Variants in KIR2DL3 observed in about 807,000 individuals in gnomAD.
KIR2DL3 encodes killer cell immunoglobulin like receptor, two Ig domains and long cytoplasmic tail 3, also known as killer cell immunoglobulin-like receptor 2DL3.
Under a neutral mutation model 33.8 loss-of-function variants are expected in KIR2DL3, and 39 were observed. That is an observed-to-expected ratio of 1.15 (90% CI 0.89 to 1.51). KIR2DL3 has a LOEUF of 1.51. Among genes scored for constraint, KIR2DL3 ranks in the 40% most tolerant of loss-of-function variants. KIR2DL3 has a pLI of 0.00. For missense variants in KIR2DL3, 462 were observed against 426.2 expected, an observed-to-expected ratio of 1.08 and a Z score of -0.74; for synonymous variants, 174 against 160.2, an observed-to-expected ratio of 1.09 and a Z score of -0.65.
rs1255691963 is a variant in KIR2DL3 at position 54,738,558 on chromosome 19, G to A, written c.13G>A (p.Val5Ile). Residue 5 changes from valine to isoleucine, a missense_variant, in exon 1 of 8, where the codon GTC becomes ATC. Val to Ile is a conservative substitution (Grantham distance 29). Coordinates refer to ENST00000342376, the MANE Select transcript of KIR2DL3 (RefSeq NM_015868.3). The stretch of plus-strand genomic sequence containing the variant: ...CACAGACAGCACCATGTCGCTCATG[G>A]TCGTCAGCATGGTGTGTGTTGGTGA... The part of the protein sequence containing the change: MSLM[V>I]VSMVCVGFFL... 4.7e-4 allele frequency: 760 copies of A among 1,614,166 alleles called. No individual in the cohort carries two copies. The African/African-American group carries it at 4.9e-3, about 10-fold the overall frequency.
chr19:54,745,172 A>G (rs1189545134), intron 4 of KIR2DL3, among the ~76,000 whole-genome samples: 1 of 151,802 alleles, frequency 6.6e-6, no homozygotes, highest in Non-Finnish European at 1.5e-5. Context: ...CGTATGTACT[A>G]CATTCTCTCT....
Position 54,740,132 on chromosome 19 carries a change from G to C in KIR2DL3, c.70+590G>C, listed in dbSNP as rs537830987. Among the ~76,000 whole-genome samples, 960 of 151,454 alleles carry C rather than the reference G, an allele frequency of 6.3e-3. 7 individuals are homozygous for C. The highest frequency in any genetic ancestry group is 0.017 in the Middle Eastern group (5 of 292). The stretch of plus-strand genomic sequence containing the variant: ...GGAGACACCATGTCTTTGCGGGATG[G>C]GTCCTTCCTTCAGCCCTGGGCACCA... On this transcript the variant is annotated intron_variant, in intron 2 of 7. Coordinates refer to ENST00000342376, the MANE Select transcript of KIR2DL3 (RefSeq NM_015868.3).
At chr19:54,743,058 C>T (rs2071483668) in intron 3 of KIR2DL3, among the ~76,000 whole-genome samples, 1 of 151,544 alleles carries the variant, frequency 6.6e-6, no homozygotes, top group African/African-American at 2.4e-5. Context: ...GAGAGAGAGG[C>T]ACAAGGACAT....
intron 4 of KIR2DL3, among the ~76,000 whole-genome samples, chr19:54,746,767 G>C (rs1352171194): frequency 2.0e-5 from 3 of 150,100 alleles, no homozygotes; most frequent in African/African-American, 4.9e-5. Context: ...TGGATCACCT[G>C]AGGCCAGGAG....
At chr19:54,744,955 T>TATATATATATATATA (rs1491544172) in intron 4 of KIR2DL3, among the ~76,000 whole-genome samples, 4 of 18,676 alleles carry the variant, frequency 2.1e-4, no homozygotes, top group Non-Finnish European at 2.9e-4. Flanking sequence ...TATATATATA[T>TATATATATATATATA]TTTTTTTTTT....
chr19:54,748,204 C>T (rs1478619476), intron 5 of KIR2DL3, among the ~76,000 whole-genome samples: 1 of 151,742 alleles, frequency 6.6e-6, no homozygotes, highest in Admixed American at 6.6e-5. Flanking sequence ...TCAGTGCCTT[C>T]TTCCTTACCA....
intron 4 of KIR2DL3, among the ~76,000 whole-genome samples, chr19:54,744,938 ATATATATATATATATATTTTTT>A (rs1464839221): frequency 4.5e-5 from 1 of 22,150 alleles, no homozygotes; most frequent in East Asian, 8.9e-4. Context: ...ATATATATAT[ATATATATATATATATATTTTTT>A]TTTTTTTTTT....
intron 4 of KIR2DL3, 27 bp downstream of exon 4, chr19:54,744,115 G>T: frequency 1.7e-5 from 28 of 1,613,702 alleles, no homozygotes; most frequent in Non-Finnish European, 2.4e-5. Context: ...TCTGTCTCAT[G>T]TCCTATGATC....
chr19:54,742,016 G>C lies in KIR2DL3; in HGVS notation c.107G>C (p.Gly36Ala). The change falls in exon 3 of 8, where the codon GGT (glycine) becomes GCT (alanine). Residue 36 changes from glycine to alanine, a missense_variant. Physicochemically the swap from Gly to Ala is moderately conservative, Grantham distance 60. Transcript: ENST00000342376. ...AAACCTTCCCTCCTGGCCCACCCAG[G>C]TCCCCTGGTGAAATCAGAAGAGACA... is the stretch of plus-strand genomic sequence containing the variant. ...HRKPSLLAHP[G>A]PLVKSEETVI... The C allele has an allele frequency of 1.2e-6, 2 of 1,612,022 alleles. No individual in the cohort carries two copies. Among genetic ancestry groups the C allele is most frequent in the Non-Finnish European group, 1.7e-6 (2 of 1,179,042 alleles).
intron 4 of KIR2DL3, among the ~76,000 whole-genome samples, chr19:54,744,897 T>TATATATATATATACACAC (rs1555906428): frequency 3.5e-5 from 2 of 57,490 alleles, no homozygotes; most frequent in African/African-American, 1.3e-4. Flanking sequence ...TATATATATA[T>TATATATATATATACACAC]ACACACACAC....
At chr19:54,747,853 C>T (rs758029151) in intron 5 of KIR2DL3, among the ~76,000 whole-genome samples, 4 of 152,212 alleles carry the variant, frequency 2.6e-5, no homozygotes, top group East Asian at 1.9e-4. Context: ...AGCTCATGCA[C>T]GCACACTTCG....
Position 54,742,094 on chromosome 19 carries a change from G to C in KIR2DL3, c.185G>C (p.Arg62Thr), listed in dbSNP as rs76843526. 1,371 of 1,613,774 alleles carry C rather than the reference G, an allele frequency of 8.5e-4. No homozygotes were observed. In the African/African-American group the frequency reaches 0.016, roughly 19 times the overall value. ...DVRFQHFLLHREGKFKDTLHL... is the reference protein window; with the variant it reads ...DVRFQHFLLHTEGKFKDTLHL... ...AGGTTTCAGCACTTCCTTCTGCACA[G>C]AGAAGGGAAGTTTAAGGACACTTTG... is the stretch of plus-strand genomic sequence containing the variant. Residue 62 changes from arginine (R) to threonine (T), a missense_variant, in exon 3 of 8, where the codon AGA (arginine) becomes ACA (threonine). Arg to Thr is a moderately conservative substitution (Grantham distance 71). Transcript: ENST00000342376.
At position 54,748,528 on chromosome 19, in the gene KIR2DL3, G is replaced by T. The variant is rs754726619; in HGVS notation, c.715+1143G>T. On this transcript the variant is annotated intron_variant, in intron 5 of 7. Coordinates refer to ENST00000342376, the MANE Select transcript of KIR2DL3 (RefSeq NM_015868.3). ...CTGCCCTTGGGACACTGATATTGCA[G>T]ATGGTTAAATGGGAGGGCAGAAAAT... 2.1e-3 allele frequency among the ~76,000 whole-genome samples: 315 copies of T among 146,994 alleles called. 4 individuals carry two copies. Among genetic ancestry groups the T allele is most frequent in the Non-Finnish European group, 3.5e-3 (232 of 66,232 alleles).
intron 5 of KIR2DL3, among the ~76,000 whole-genome samples, chr19:54,748,009 T>G (rs1342762954): frequency 1.3e-5 from 2 of 152,052 alleles, no homozygotes; most frequent in Non-Finnish European, 1.5e-5. Context: ...TAGCTCAAAG[T>G]AGGAAGTGCA....
At chr19:54,741,242 G>T (rs1203379517) in intron 2 of KIR2DL3, among the ~76,000 whole-genome samples, 1 of 151,454 alleles carries the variant, frequency 6.6e-6, no homozygotes, top group African/African-American at 2.4e-5. Context: ...AGGAGGCTGA[G>T]GGCAGGAGAA....
At chr19:54,739,999 T>G (rs1402319165) in intron 2 of KIR2DL3, among the ~76,000 whole-genome samples, 1 of 151,854 alleles carries the variant, frequency 6.6e-6, no homozygotes, top group African/African-American at 2.4e-5. Context: ...CTCCACCTCA[T>G]GTCTACCCTG....
rs201216657 is a variant in KIR2DL3, at chr19:54,738,599, C to G, written c.34+20C>G. 1 of 1,607,238 alleles carries G rather than the reference C, an allele frequency of 6.2e-7. No individual in the cohort carries two copies. Among genetic ancestry groups the G allele is most frequent in the East Asian group, 2.2e-5 (1 of 44,530 alleles). On this transcript the variant is annotated intron_variant, in intron 1 of 7. Transcript: ENST00000342376. ...GTGTTGGTGAGTCCTGGAAGGGCATCGAGGGAGGGAGTGCGGGGATGGAGA... is the reference window on the plus strand; with the variant it reads ...GTGTTGGTGAGTCCTGGAAGGGCATGGAGGGAGGGAGTGCGGGGATGGAGA...
rs2072703998 is a variant in KIR2DL3 at position 54,747,380 on chromosome 19, A to G, written c.710A>G (p.Glu237Gly). The change falls in exon 5 of 8, where the codon GAA becomes GGA. Residue 237 changes from glutamate (E) to glycine (G), a missense_variant. Glu to Gly is a moderately conservative substitution (Grantham distance 98). Coordinates refer to ENST00000342376, the MANE Select transcript of KIR2DL3 (RefSeq NM_015868.3). ...SWPSPTEPSS[E>G]TGNPRHLHVL... Reference sequence around the variant, plus strand: ...CCTTCACCCACTGAACCAAGCTCCGAAACCGGTGAGTACAGAACCCTCTTA... The same window carrying G: ...CCTTCACCCACTGAACCAAGCTCCGGAACCGGTGAGTACAGAACCCTCTTA... 11 of 1,610,792 alleles carry G rather than the reference A, an allele frequency of 6.8e-6. No individual in the cohort carries two copies. The highest frequency in any genetic ancestry group is 9.3e-6 in the Non-Finnish European group (11 of 1,177,518).
chr19:54,741,148 A>G (rs1484565500), intron 2 of KIR2DL3, among the ~76,000 whole-genome samples: 1 of 151,316 alleles, frequency 6.6e-6, no homozygotes, highest in Non-Finnish European at 1.5e-5. Context: ...GGAAACCAAC[A>G]CTGGAACCCA....
Sources: allele counts gnomAD v4.1 joint callset (sites outside exome capture counted in the v4.1 genomes callset), GRCh38; gene constraint gnomAD v4.1.1; transcripts MANE v1.5; gene names NCBI Gene and HGNC (gene_info 2026-07-23, HGNC 2026-07-21).